SORCS1: variants seen among roughly 807,000 people sequenced by gnomAD.
The protein encoded by SORCS1 is sortilin related VPS10 domain containing receptor 1, also known as VPS10 domain-containing receptor SorCS1.
SORCS1 carries 60 observed loss-of-function variants against 146.1 expected under a neutral mutation model. The ratio of observed to expected loss-of-function variants is 0.41; its 90% CI spans 0.33 to 0.51. SORCS1 has a LOEUF of 0.51. Among genes scored for constraint, SORCS1 ranks in the 20% least tolerant of loss-of-function variants. SORCS1 has a pLI of 0.21. For synonymous variants in SORCS1, 637 were observed against 584.0 expected (o/e 1.09, Z -1.31); for missense variants, 1,352 against 1,487.6 (o/e 0.91, Z 1.50).
At chr10:106,649,293 T>C (rs1229698401) in intron 18 of SORCS1, among the ~76,000 whole-genome samples, 13 of 152,068 alleles carry the variant, frequency 8.5e-5, no homozygotes. Flanking sequence ...GCTGTAAACA[T>C]TCACCCCTAG....
intron 6 of SORCS1, among the ~76,000 whole-genome samples, chr10:106,720,868 C>T (rs1855733319): frequency 6.6e-6 from 1 of 152,028 alleles, no homozygotes; most frequent in Admixed American, 6.6e-5. Flanking sequence ...AATTTGAAAG[C>T]TGCCCAGCTG....
intron 22 of SORCS1, among the ~76,000 whole-genome samples, chr10:106,611,165 A>G (rs1846961118): frequency 6.6e-6 from 1 of 152,134 alleles, no homozygotes; most frequent in South Asian, 2.1e-4. Context: ...ACATTTGCTC[A>G]GGGAAGGATA....
intron 4 of SORCS1, among the ~76,000 whole-genome samples, chr10:106,763,155 G>A (rs1278416102): frequency 6.6e-6 from 1 of 152,162 alleles, no homozygotes; most frequent in African/African-American, 2.4e-5. Context: ...ATAATAATAT[G>A]TCTGGGTAAC....
At chr10:106,610,874 T>C (rs1005101742) in intron 22 of SORCS1, among the ~76,000 whole-genome samples, 10 of 152,016 alleles carry the variant, frequency 6.6e-5, no homozygotes, top group African/African-American at 2.4e-4. Context: ...AGGTCAGGAG[T>C]TCGAGACCAG....
intron 17 of SORCS1, among the ~76,000 whole-genome samples, chr10:106,660,746 TC>T (rs1850660798): frequency 6.8e-6 from 1 of 146,118 alleles, no homozygotes; most frequent in East Asian, 2.0e-4. Flanking sequence ...TGAGACTCCG[TC>T]TCAAAAAAAA....
At chr10:106,998,320 A>G (rs1957082266) in intron 1 of SORCS1, among the ~76,000 whole-genome samples, 1 of 152,352 alleles carries the variant, frequency 6.6e-6, no homozygotes, top group South Asian at 2.1e-4. Context: ...TGGCTTGATT[A>G]CCTGAACTAC....
intron 1 of SORCS1, among the ~76,000 whole-genome samples, chr10:107,123,678 G>C (rs1231543908): frequency 6.6e-6 from 1 of 152,134 alleles, no homozygotes; most frequent in Non-Finnish European, 1.5e-5. Context: ...TAAATTTGCA[G>C]GCCCTGGAGA....
the SORCS1 span, among the ~76,000 whole-genome samples, chr10:107,171,869 A>G: frequency 6.6e-6 from 1 of 152,218 alleles, no homozygotes; most frequent in Non-Finnish European, 1.5e-5. Flanking sequence ...GAGTGTGAAG[A>G]TATGAATGAG....
intron 1 of SORCS1, among the ~76,000 whole-genome samples, chr10:107,053,210 A>G (rs1206219586): frequency 6.6e-6 from 1 of 152,188 alleles, no homozygotes; most frequent in Non-Finnish European, 1.5e-5. Context: ...GATTTCCGCT[A>G]GCAGAGTACT....
At chr10:106,653,044 T>C (rs1849997732) in intron 17 of SORCS1, among the ~76,000 whole-genome samples, 1 of 152,200 alleles carries the variant, frequency 6.6e-6, no homozygotes, top group Non-Finnish European at 1.5e-5. Flanking sequence ...AGTAATGGTG[T>C]AGCACAGAAA....
intron 6 of SORCS1, among the ~76,000 whole-genome samples, chr10:106,713,365 A>G (rs539907286): frequency 3.3e-5 from 5 of 152,354 alleles, no homozygotes; most frequent in African/African-American, 9.6e-5. Flanking sequence ...AGAATTTTTA[A>G]GACTGACACC....
At chr10:106,777,173 T>C (rs1860505506) in intron 3 of SORCS1, among the ~76,000 whole-genome samples, 1 of 152,150 alleles carries the variant, frequency 6.6e-6, no homozygotes, top group African/African-American at 2.4e-5. Flanking sequence ...TCCTACGCCA[T>C]CCAAACTTAG....
At chr10:107,026,958 A>G (rs1439138869) in intron 1 of SORCS1, among the ~76,000 whole-genome samples, 1 of 151,050 alleles carries the variant, frequency 6.6e-6, no homozygotes, top group East Asian at 1.9e-4. Flanking sequence ...AAAAATATGA[A>G]TAAATCATGC....
intron 1 of SORCS1, among the ~76,000 whole-genome samples, chr10:106,980,907 C>T (rs985911551): frequency 7.9e-5 from 12 of 152,076 alleles, no homozygotes; most frequent in African/African-American, 2.2e-4. Context: ...TCTCCTTCAA[C>T]ACTCATTCCC....
chr10:106,789,077 A>C (rs1349092085), intron 3 of SORCS1, among the ~76,000 whole-genome samples: 1 of 152,060 alleles, frequency 6.6e-6, no homozygotes, highest in Non-Finnish European at 1.5e-5. Context: ...TAGGACTTGC[A>C]CCCTCCACAG....
At chr10:106,651,169 T>TA (rs764253194) in intron 18 of SORCS1, among the ~76,000 whole-genome samples, 19 of 152,176 alleles carry the variant, frequency 1.2e-4, no homozygotes, top group Non-Finnish European at 2.9e-5. Flanking sequence ...GGACCAGAGA[T>TA]ATGCACATCG....
intron 9 of SORCS1, among the ~76,000 whole-genome samples, chr10:106,688,788 C>T (rs1419232060): frequency 6.6e-6 from 1 of 152,190 alleles, no homozygotes; most frequent in African/African-American, 2.4e-5. Flanking sequence ...AGCTCAGGCT[C>T]ATCCAAACAA....
intron 1 of SORCS1, among the ~76,000 whole-genome samples, chr10:106,996,844 T>A (rs1411148463): frequency 6.6e-6 from 1 of 152,208 alleles, no homozygotes; most frequent in Non-Finnish European, 1.5e-5. Context: ...CAGGAAACCT[T>A]GCTTAGTGCC....
At chr10:106,624,758 A>G (rs1847987553) in intron 19 of SORCS1, among the ~76,000 whole-genome samples, 1 of 152,260 alleles carries the variant, frequency 6.6e-6, no homozygotes, top group African/African-American at 2.4e-5. Flanking sequence ...GCATACATGC[A>G]TATACATTAT....
Sources: gnomAD v4.1 joint callset for allele counts (sites outside exome capture counted in the v4.1 genomes callset) on GRCh38, gnomAD v4.1.1 for gene constraint, MANE v1.5 for transcripts, NCBI Gene and HGNC (gene_info 2026-07-23, HGNC 2026-07-21) for gene names.